SIDT1: variants seen among roughly 807,000 people sequenced by gnomAD.
The protein encoded by SIDT1 is SID1 transmembrane family, member 1.
SIDT1 carries 101 observed loss-of-function variants against 107.5 expected under a neutral mutation model. The observed-to-expected ratio is 0.94, with a 90% CI of 0.80 to 1.11. SIDT1 has a LOEUF of 1.11. Among genes scored for constraint, SIDT1 ranks in the 50% least tolerant of loss-of-function variants. The pLI is 0.00. For missense variants in SIDT1, 1,076 were observed against 1,058.2 expected, an observed-to-expected ratio of 1.02 and a Z score of -0.23; for synonymous variants, 395 against 398.2, an observed-to-expected ratio of 0.99 and a Z score of 0.10.
downstream of SIDT1, among the ~76,000 whole-genome samples, chr3:113,631,515 GTTTT>G (rs1168299403): frequency 6.6e-6 from 1 of 151,930 alleles, no homozygotes; most frequent in Non-Finnish European, 1.5e-5. Flanking sequence ...TTTGTTTTTT[GTTTT>G]TTTAACACTG....
chr3:113,607,556 T>G (rs897305571), intron 15 of SIDT1, among the ~76,000 whole-genome samples: 3 of 152,232 alleles, frequency 2.0e-5, no homozygotes, highest in African/African-American at 7.2e-5. Flanking sequence ...TCCCAGGCCA[T>G]GCTCTAGCCA....
In SIDT1 at chr3:113,540,535, A is replaced by C. The variant is rs547984704; in HGVS notation, c.222+7292A>C. On this transcript the variant is annotated intron_variant, in intron 1 of 24. Transcript: ENST00000264852. ...GTGTTGAGTGAAATTACTGTGCTTT[A>C]AGGTAACATTGCATAGACCCTGTTA... 5.9e-5 allele frequency among the ~76,000 whole-genome samples: 9 copies of C among 152,340 alleles called. No homozygotes were observed. In the South Asian group the frequency reaches 1.9e-3, roughly 32 times the overall value.
At chr3:113,583,758 G>A (rs1162397564) in intron 7 of SIDT1, among the ~76,000 whole-genome samples, 1 of 152,196 alleles carries the variant, frequency 6.6e-6, no homozygotes, top group Non-Finnish European at 1.5e-5. Flanking sequence ...TGGAAGATAA[G>A]TTCACTCGGT....
chr3:113,621,433 T>C (rs957851989), intron 21 of SIDT1, among the ~76,000 whole-genome samples: 1 of 148,140 alleles, frequency 6.8e-6, no homozygotes, highest in African/African-American at 2.5e-5. Context: ...GGTGAGACCC[T>C]CTCTCAAAAA....
At chr3:113,544,092 T>G (rs1356609535) in intron 1 of SIDT1, among the ~76,000 whole-genome samples, 1 of 151,632 alleles carries the variant, frequency 6.6e-6, no homozygotes, top group Non-Finnish European at 1.5e-5. Flanking sequence ...TGTTTTGTTT[T>G]GTTTTGTTTT....
the SIDT1 span, among the ~76,000 whole-genome samples, chr3:113,635,332 C>A: frequency 6.6e-6 from 1 of 151,852 alleles, no homozygotes. Flanking sequence ...CCTGTCTCTA[C>A]AAAAAAAGAA....
intron 9 of SIDT1, 79 bp downstream of exon 9, chr3:113,585,349 T>C: frequency 1.9e-6 from 2 of 1,066,646 alleles, no homozygotes; most frequent in Non-Finnish European, 2.9e-6. Flanking sequence ...TTGACAGATA[T>C]ATTGACTGGC....
At chr3:113,595,860 G>C (rs958061459) in intron 10 of SIDT1, among the ~76,000 whole-genome samples, 1 of 152,160 alleles carries the variant, frequency 6.6e-6, no homozygotes, top group Non-Finnish European at 1.5e-5. Context: ...CTTAAACCAA[G>C]AGCAGAAGAC....
rs1445039296 is a variant in SIDT1, at chr3:113,603,014, G to C, written c.1127G>C (p.Ser376Thr). 6.2e-7 allele frequency: 1 copy of C among 1,613,982 alleles called. No homozygotes were observed. Among genetic ancestry groups the C allele is most frequent in the East Asian group, 2.2e-5 (1 of 44,878 alleles). ...GTTGTCTCTGTTTCAGATGAGTCAA[G>C]CTCCAGTCCTGGAAGGCAGATGTCC... The part of the protein sequence containing the change: ...GSNYGTIDES[S>T]SSPGRQMSSS... Residue 376 changes from serine (S) to threonine (T), a missense_variant, in exon 12 of 25, where the codon AGC becomes ACC. By Grantham distance (58) the Ser-to-Thr change is moderately conservative (BLOSUM62 1). Coordinates refer to ENST00000264852, the MANE Select transcript of SIDT1 (RefSeq NM_017699.3).
rs533350882 is a variant in SIDT1 at position 113,593,470 on chromosome 3, C to T, written c.1045+422C>T. On this transcript the variant is annotated intron_variant, in intron 10 of 24. Transcript: ENST00000264852. ...TAATGCCATAACCCATCCCCACCCC[C>T]GTCTGTGGAAAAATTGTCTTTCATG... Among the ~76,000 whole-genome samples, 11 of 152,190 alleles carry T rather than the reference C, an allele frequency of 7.2e-5. 1 individual carries two copies. Among genetic ancestry groups the T allele is most frequent in the South Asian group, 6.2e-4 (3 of 4,828 alleles).
intron 4 of SIDT1, among the ~76,000 whole-genome samples, chr3:113,577,247 C>A (rs1942974491): frequency 6.6e-6 from 1 of 152,256 alleles, no homozygotes. Context: ...GCCCACTATG[C>A]ACCAAGAACA....
chr3:113,615,551 CT>C (rs1946044278), intron 19 of SIDT1, among the ~76,000 whole-genome samples: 1 of 152,230 alleles, frequency 6.6e-6, no homozygotes, highest in African/African-American at 2.4e-5. Flanking sequence ...TTCTCCCCAT[CT>C]TAACTTACCT....
At position 113,532,793 on chromosome 3, in the gene SIDT1, G is replaced by T. The variant is rs940942601; in HGVS notation, c.-229G>T. The stretch of plus-strand genomic sequence containing the variant: ...CCCCACATCTCCACTTCTCCAGTCC[G>T]CCCTACTCTCCACCCGTGACCTCCA... On this transcript the variant is annotated 5_prime_UTR_variant, in exon 1 of 25. Transcript: ENST00000264852. 2.4e-4 allele frequency: 95 copies of T among 388,396 alleles called. No individual in the cohort carries two copies. Among genetic ancestry groups the T allele is most frequent in the Admixed American group, 9.1e-5 (2 of 21,962 alleles). 24.1% of individuals were successfully genotyped at this position (388,396 alleles called of 1,614,324 possible). A position where few individuals can be genotyped will look rare whatever the true frequency, so the allele number is the denominator to read the frequency against.
At chr3:113,615,006 C>G in intron 19 of SIDT1, 1 of 1,529,992 alleles carries the variant, frequency 6.5e-7, no homozygotes, top group Non-Finnish European at 8.8e-7. Flanking sequence ...TGTTTGGCTA[C>G]TTTCTTACAC....
In SIDT1 at chr3:113,533,009, C is replaced by A. The variant is rs1213060778; in HGVS notation, c.-13C>A. The A allele has an allele frequency of 7.4e-7, 1 of 1,347,372 alleles. No homozygotes were observed. The highest frequency in any genetic ancestry group is 2.0e-5 in the South Asian group (1 of 50,000). The allele number at this position is 1,347,372 out of a possible 1,614,324, so 83.5% of individuals were successfully genotyped here. A position where few individuals can be genotyped will look rare whatever the true frequency, so the allele number is the denominator to read the frequency against. On this transcript the variant is annotated 5_prime_UTR_variant, in exon 1 of 25. Coordinates refer to ENST00000264852, the MANE Select transcript of SIDT1 (RefSeq NM_017699.3). Reference sequence around the variant, plus strand: ...GGGTGGCTCCGCTTTCGAGCCCGGGCGCGGTGCCCACCATGCGCGGCTGCC... The same window carrying A: ...GGGTGGCTCCGCTTTCGAGCCCGGGAGCGGTGCCCACCATGCGCGGCTGCC...
At chr3:113,553,709 A>G (rs549604582) in intron 1 of SIDT1, among the ~76,000 whole-genome samples, 1 of 152,296 alleles carries the variant, frequency 6.6e-6, no homozygotes, top group Admixed American at 6.5e-5. Flanking sequence ...TCCAGGAGCC[A>G]AGACTGGGGA....
chr3:113,566,253 A>G (rs144427138), intron 1 of SIDT1, among the ~76,000 whole-genome samples, 167 bp from the exon 2 acceptor site: 33 of 152,232 alleles, frequency 2.2e-4, no homozygotes, highest in African/African-American at 7.0e-4. Flanking sequence ...GGGCATTTGG[A>G]TTACCTATCA....
chr3:113,580,792 C>T (rs1406159063), intron 5 of SIDT1, 83 bp downstream of exon 5: 2 of 886,318 alleles, frequency 2.3e-6, no homozygotes, highest in Non-Finnish European at 3.8e-6. Context: ...TGGAAGCATG[C>T]CATCCTCTTA....
At position 113,532,880 on chromosome 3, in the gene SIDT1, C is replaced by T. The variant is rs1168731400; in HGVS notation, c.-142C>T. ...GCCCTTCGTCAGCACGCTGCCAGCC[C>T]TGGCCGGCTGGGTTCGCCAGGCATC... is the stretch of plus-strand genomic sequence containing the variant. On this transcript the variant is annotated 5_prime_UTR_variant, in exon 1 of 25. Transcript: ENST00000264852. 1 of 505,992 alleles carries T rather than the reference C, an allele frequency of 2.0e-6. No individual in the cohort carries two copies. The highest frequency in any genetic ancestry group is 3.2e-6 in the Non-Finnish European group (1 of 313,694). The allele number at this position is 505,992 out of a possible 1,614,324, so 31.3% of individuals were successfully genotyped here.
Sources: allele counts gnomAD v4.1 joint callset (sites outside exome capture counted in the v4.1 genomes callset), GRCh38; gene constraint gnomAD v4.1.1; transcripts MANE v1.5; gene names NCBI Gene and HGNC (gene_info 2026-07-23, HGNC 2026-07-21).